The following PLSCR2 variants were observed in gnomAD, a reference collection of about 807,000 sequenced individuals.
The protein encoded by PLSCR2 is PL scramblase 2.
In PLSCR2, 18 loss-of-function variants were observed where a neutral mutation model predicts 25.3. That is an observed-to-expected ratio of 0.71 (90% CI 0.49 to 1.06). The LOEUF is 1.06. Among genes scored for constraint, PLSCR2 ranks in the 50% least tolerant of loss-of-function variants. PLSCR2 has a pLI of 0.00. For synonymous variants in PLSCR2, 88 were observed against 87.3 expected (o/e 1.01, Z -0.04); for missense variants, 243 against 269.5 (o/e 0.90, Z 0.69).
intron 2 of PLSCR2, chr3:146,395,948 G>A: frequency 3.3e-6 from 1 of 301,566 alleles, no homozygotes; most frequent in Non-Finnish European, 6.5e-6. Flanking sequence ...TATAATCTTA[G>A]GATAAAAATC....
chr3:146,476,122 A>G (rs1316779913), intron 1 of PLSCR2, among the ~76,000 whole-genome samples: 1 of 152,034 alleles, frequency 6.6e-6, no homozygotes, highest in Non-Finnish European at 1.5e-5. Context: ...GGCTGACAAG[A>G]AGCAGCTGCA....
intron 1 of PLSCR2, among the ~76,000 whole-genome samples, chr3:146,472,434 T>A (rs1008214576): frequency 1.3e-5 from 2 of 152,216 alleles, no homozygotes; most frequent in Admixed American, 6.5e-5. Flanking sequence ...CTGGGTAGCT[T>A]ATAAACAACA....
upstream of PLSCR2, among the ~76,000 whole-genome samples, chr3:146,462,640 A>AT (rs756613031): frequency 6.7e-6 from 1 of 149,792 alleles, no homozygotes; most frequent in Non-Finnish European, 1.5e-5. Context: ...TAATTTTTGT[A>AT]TTTTTTAGTA....
intron 2 of PLSCR2, among the ~76,000 whole-genome samples, chr3:146,406,535 G>GC (rs773320424): frequency 1.2e-4 from 18 of 152,252 alleles, no homozygotes; most frequent in South Asian, 2.1e-4. Flanking sequence ...AAGAGGTGAG[G>GC]AGAGGAGTAG....
chr3:146,424,005 G>A (rs1415320634), intron 2 of PLSCR2, among the ~76,000 whole-genome samples: 1 of 151,962 alleles, frequency 6.6e-6, no homozygotes, highest in East Asian at 1.9e-4. Flanking sequence ...CTGGATGTTG[G>A]AAGTTCAAGA....
chr3:146,404,404 C>G (rs913923695), intron 2 of PLSCR2, among the ~76,000 whole-genome samples: 1 of 152,172 alleles, frequency 6.6e-6, no homozygotes, highest in Admixed American at 6.5e-5. Flanking sequence ...CAAGCATACT[C>G]CTGCCATAAT....
At chr3:146,453,474 A>T (rs2041015184) in intron 5 of PLSCR2, among the ~76,000 whole-genome samples, 1 of 152,132 alleles carries the variant, frequency 6.6e-6, no homozygotes, top group Admixed American at 6.5e-5. Context: ...GTGGTTTCCA[A>T]TGACCTAATT....
chr3:146,480,999 T>C (rs2043110533), intron 1 of PLSCR2, among the ~76,000 whole-genome samples: 1 of 152,088 alleles, frequency 6.6e-6, no homozygotes, highest in Admixed American at 6.6e-5. Context: ...ATTAGCTCAA[T>C]AGATGCAGAA....
chr3:146,486,990 G>A (rs1022011189), intron 1 of PLSCR2, among the ~76,000 whole-genome samples: 6 of 152,160 alleles, frequency 3.9e-5, no homozygotes, highest in African/African-American at 1.2e-4. Context: ...CTTCATACCC[G>A]GGATGCAAGG....
intron 2 of PLSCR2, among the ~76,000 whole-genome samples, chr3:146,410,836 C>T (rs1166748368): frequency 3.3e-5 from 5 of 152,172 alleles, no homozygotes; most frequent in African/African-American, 1.2e-4. Flanking sequence ...ATTCAGATGC[C>T]CACCTGGCCG....
intron 8 of PLSCR2, among the ~76,000 whole-genome samples, chr3:146,434,442 A>G (rs1429860123): frequency 6.6e-6 from 1 of 152,224 alleles, no homozygotes; most frequent in East Asian, 1.9e-4. Context: ...TGAAAGTCCA[A>G]TTGTAGGGAA....
At chr3:146,392,833 G>C (rs528787262) in intron 3 of PLSCR2, among the ~76,000 whole-genome samples, 1 of 136,802 alleles carries the variant, frequency 7.3e-6, no homozygotes, top group Admixed American at 8.1e-5. Flanking sequence ...CCTTCATTAT[G>C]CTTCCTTGGG....
intron 2 of PLSCR2, among the ~76,000 whole-genome samples, chr3:146,398,482 T>A (rs960989536): frequency 2.0e-5 from 3 of 151,276 alleles, no homozygotes; most frequent in Non-Finnish European, 4.4e-5. Context: ...CTTATAGAGC[T>A]TTTAAATAAG....
intron 2 of PLSCR2, among the ~76,000 whole-genome samples, chr3:146,415,975 G>C (rs2108058113): frequency 6.6e-6 from 1 of 152,144 alleles, no homozygotes; most frequent in East Asian, 1.9e-4. Context: ...TTTTGAGACA[G>C]AGTCTAGCTC....
At chr3:146,399,302 T>C (rs986640945) in intron 2 of PLSCR2, among the ~76,000 whole-genome samples, 3 of 151,832 alleles carry the variant, frequency 2.0e-5, no homozygotes, top group African/African-American at 7.2e-5. Context: ...CAGAGACTTG[T>C]TGAATAAATT....
At chr3:146,463,003 C>T (rs1576688910), upstream of PLSCR2, among the ~76,000 whole-genome samples, 1 of 152,170 alleles carries the variant, frequency 6.6e-6, no homozygotes, top group East Asian at 1.9e-4. Context: ...GCAATTATCT[C>T]GGAAAATTTC....
intron 8 of PLSCR2, among the ~76,000 whole-genome samples, chr3:146,436,304 G>C (rs971472781): frequency 1.3e-5 from 2 of 152,118 alleles, no homozygotes; most frequent in Admixed American, 1.3e-4. Flanking sequence ...TTCCAATTCT[G>C]TGAAGAAAGT....
intron 6 of PLSCR2, among the ~76,000 whole-genome samples, chr3:146,445,254 T>A (rs2040481888): frequency 6.6e-6 from 1 of 152,112 alleles, no homozygotes; most frequent in Non-Finnish European, 1.5e-5. Flanking sequence ...CTATTACCAG[T>A]GAGTTTTGCA....
At chr3:146,397,102 T>A (rs2038300853) in intron 2 of PLSCR2, among the ~76,000 whole-genome samples, 1 of 152,130 alleles carries the variant, frequency 6.6e-6, no homozygotes, top group Admixed American at 6.6e-5. Flanking sequence ...TCAGCCTCTG[T>A]TGTATCTCCA....
Sources: gnomAD v4.1 joint callset for allele counts (sites outside exome capture counted in the v4.1 genomes callset) on GRCh38, gnomAD v4.1.1 for gene constraint, MANE v1.5 for transcripts, NCBI Gene and HGNC (gene_info 2026-07-23, HGNC 2026-07-21) for gene names.